SND1: variants seen among roughly 807,000 people sequenced by gnomAD.
SND1 encodes staphylococcal nuclease domain-containing protein 1.
In SND1, 38 loss-of-function variants were observed where a neutral mutation model predicts 121.7. The ratio of observed to expected loss-of-function variants is 0.31; its 90% CI spans 0.24 to 0.41. The LOEUF is 0.41. SND1 is among the 10% of genes least tolerant of loss of function. The pLI is 1.00. For missense variants in SND1, 868 were observed against 1,184.6 expected, an observed-to-expected ratio of 0.73 and a Z score of 3.92; for synonymous variants, 401 against 447.4, an observed-to-expected ratio of 0.90 and a Z score of 1.31.
chr7:127,873,018 G>T (rs1351633093), intron 12 of SND1, among the ~76,000 whole-genome samples: 1 of 152,096 alleles, frequency 6.6e-6, no homozygotes, highest in Non-Finnish European at 1.5e-5. Context: ...GAAAACCAGA[G>T]ATTGATATGT....
At chr7:127,951,757 G>C (rs989520236) in intron 15 of SND1, among the ~76,000 whole-genome samples, 3 of 152,130 alleles carry the variant, frequency 2.0e-5, no homozygotes, top group African/African-American at 7.2e-5. Context: ...CCTGGTCCCT[G>C]ACCCTCTTTT....
At chr7:127,904,030 T>TGGTC (rs1800285557) in intron 13 of SND1, among the ~76,000 whole-genome samples, 1 of 152,212 alleles carries the variant, frequency 6.6e-6, no homozygotes, top group Non-Finnish European at 1.5e-5. Context: ...TTTTATTCTG[T>TGGTC]GGTCCTTCAT....
chr7:128,040,129 T>A (rs1392106466), intron 16 of SND1, among the ~76,000 whole-genome samples: 1 of 147,570 alleles, frequency 6.8e-6, no homozygotes, highest in Non-Finnish European at 1.5e-5. Context: ...AGCAAACAGC[T>A]GTGTATTGAG....
intron 12 of SND1, among the ~76,000 whole-genome samples, chr7:127,863,165 T>C (rs186178965): frequency 1.3e-5 from 2 of 152,334 alleles, no homozygotes; most frequent in East Asian, 3.9e-4. Context: ...TAATGCTTAC[T>C]GTGCGCCAGG....
At chr7:128,086,150 A>G (rs1037474819) in intron 20 of SND1, among the ~76,000 whole-genome samples, 1 of 152,178 alleles carries the variant, frequency 6.6e-6, no homozygotes, top group Non-Finnish European at 1.5e-5. Context: ...CCATGCGCTA[A>G]TCCCCGGCAC....
chr7:127,894,783 T>C (rs1800084480), intron 13 of SND1, among the ~76,000 whole-genome samples: 1 of 151,790 alleles, frequency 6.6e-6, no homozygotes, highest in Non-Finnish European at 1.5e-5. Context: ...ATGTGATGGC[T>C]TTGCATTCAT....
chr7:128,029,690 C>G lies in SND1; in HGVS notation c.1779+38634C>G, dbSNP rs781082326. ...AGCAGGTGGAATTGGTGGGTATATACTCTCGAAGCCACCAGGCTAGCCACA... is the reference window on the plus strand; with the variant it reads ...AGCAGGTGGAATTGGTGGGTATATAGTCTCGAAGCCACCAGGCTAGCCACA... On this transcript the variant is annotated intron_variant, in intron 16 of 23. Transcript: ENST00000354725. This position sits in a 1 kb window ranked among gnomAD's most constrained non-coding sequence, Gnocchi z 4.2. 1.2e-6 allele frequency: 2 copies of G among 1,613,936 alleles called. No homozygotes were observed. Among genetic ancestry groups the G allele is most frequent in the South Asian group, 2.2e-5 (2 of 91,080 alleles).
intron 10 of SND1, among the ~76,000 whole-genome samples, chr7:127,728,226 A>C (rs1796615585): frequency 6.8e-6 from 1 of 147,980 alleles, no homozygotes; most frequent in Non-Finnish European, 1.5e-5. Flanking sequence ...TATCTCCTTC[A>C]CATAATTTTT....
intron 12 of SND1, among the ~76,000 whole-genome samples, chr7:127,879,163 C>A (rs1799745635): frequency 6.6e-6 from 1 of 152,078 alleles, no homozygotes; most frequent in Non-Finnish European, 1.5e-5. Flanking sequence ...TGCACATTGC[C>A]CATTGTCTCT....
At chr7:127,868,649 A>G (rs1406544638) in intron 12 of SND1, among the ~76,000 whole-genome samples, 3 of 152,126 alleles carry the variant, frequency 2.0e-5, no homozygotes, top group Non-Finnish European at 1.5e-5. Flanking sequence ...TCCGCTTGGT[A>G]TGATAGAACA....
intron 14 of SND1, among the ~76,000 whole-genome samples, chr7:127,921,356 T>C (rs1418352760): frequency 1.3e-5 from 2 of 152,150 alleles, no homozygotes; most frequent in Non-Finnish European, 2.9e-5. Context: ...TCTAAACCAT[T>C]TTCTTTTTAA....
chr7:128,001,637 T>C (rs936732331), intron 16 of SND1, among the ~76,000 whole-genome samples: 6 of 152,196 alleles, frequency 3.9e-5, no homozygotes, highest in African/African-American at 1.4e-4. Context: ...TTATTATTAA[T>C]AGAAATTCTC....
chr7:127,824,325 G>A (rs1798605700), intron 11 of SND1, among the ~76,000 whole-genome samples: 1 of 152,146 alleles, frequency 6.6e-6, no homozygotes, highest in African/African-American at 2.4e-5. Flanking sequence ...AAAGGCAGTT[G>A]GTGCTTTGTT....
At chr7:127,691,260 T>TG (rs1391531154) in intron 2 of SND1, among the ~76,000 whole-genome samples, 1 of 152,018 alleles carries the variant, frequency 6.6e-6, no homozygotes, top group Non-Finnish European at 1.5e-5. Context: ...ATAATAAAAG[T>TG]GGCTGGGCGC....
intron 10 of SND1, among the ~76,000 whole-genome samples, chr7:127,806,190 A>G (rs1226891524): frequency 6.6e-6 from 1 of 152,224 alleles, no homozygotes; most frequent in Non-Finnish European, 1.5e-5. Flanking sequence ...ATACAAAGAC[A>G]AAAGTCTCTT....
intron 15 of SND1, among the ~76,000 whole-genome samples, chr7:127,974,053 C>G (rs951537289): frequency 1.3e-5 from 2 of 152,182 alleles, no homozygotes; most frequent in Non-Finnish European, 2.9e-5. Flanking sequence ...TGTCTTCCAG[C>G]AAGCTAGGTG....
intron 9 of SND1, among the ~76,000 whole-genome samples, chr7:127,710,037 G>A (rs1244035845): frequency 1.3e-5 from 2 of 151,142 alleles, no homozygotes; most frequent in Non-Finnish European, 2.9e-5. Flanking sequence ...TCTCAGGGTT[G>A]GCAAACTATG....
intron 8 of SND1, among the ~76,000 whole-genome samples, chr7:127,707,221 A>G (rs1796217675): frequency 6.6e-6 from 1 of 152,172 alleles, no homozygotes; most frequent in South Asian, 2.1e-4. Flanking sequence ...TTTAAGAAAT[A>G]TGTTTGTTTA....
chr7:127,943,252 A>G (rs1801256187), intron 15 of SND1, among the ~76,000 whole-genome samples: 1 of 152,200 alleles, frequency 6.6e-6, no homozygotes, highest in South Asian at 2.1e-4. Flanking sequence ...TAAGAAATCC[A>G]TACACAGCAC....
Sources: gnomAD v4.1 joint callset for allele counts (sites outside exome capture counted in the v4.1 genomes callset) on GRCh38, gnomAD v4.1.1 for gene constraint, Gnocchi (gnomAD v3.1) non-coding constraint, MANE v1.5 for transcripts, NCBI Gene and HGNC (gene_info 2026-07-23, HGNC 2026-07-21) for gene names.